Variants in CEP97 observed in about 807,000 individuals in gnomAD.
The protein encoded by CEP97 is centrosomal protein of 97 kDa.
A neutral mutation model predicts 73.1 loss-of-function variants in CEP97; 43 were observed. The ratio of observed to expected loss-of-function variants is 0.59; its 90% confidence interval spans 0.46 to 0.76. The LOEUF is 0.76. Ranked by LOEUF, CEP97 falls within the 30% of genes least tolerant of loss-of-function variation. CEP97 has a pLI of 0.00. For synonymous variants in CEP97, 337 were observed against 370.0 expected (o/e 0.91, Z 1.02); for missense variants, 939 against 1,014.0 (o/e 0.93, Z 1.00).
At chr3:101,743,792 C>G (rs1040255185) in intron 6 of CEP97, among the ~76,000 whole-genome samples, 4 of 152,050 alleles carry the variant, frequency 2.6e-5, no homozygotes, top group African/African-American at 9.7e-5. Context: ...TCACTGAGGT[C>G]GGGAGTTTGA....
At chr3:101,761,141 A>G (rs1195214908) in intron 9 of CEP97, among the ~76,000 whole-genome samples, 2 of 152,272 alleles carry the variant, frequency 1.3e-5, no homozygotes, top group East Asian at 3.9e-4. Context: ...TGCTGGGATT[A>G]CAGGTGTGAG....
Position 101,764,847 on chromosome 3 carries a change from G to A in CEP97, c.1894G>A (p.Val632Ile), listed in dbSNP as rs1939266840. ...TACAACTGTATTCTCTGGTTTATAG[G>A]TAAGGTCTCTACAGGTTTGGCAACA... ...EEAFRFLWNQ[V>I]RSLQVWQQTV... The change falls in exon 11 of 11, where the codon GTA (valine) becomes ATA (isoleucine). Residue 632 changes from valine (V) to isoleucine (I), a missense_variant and splice_region_variant. By Grantham distance (29) the Val-to-Ile change is conservative (BLOSUM62 3). Coordinates refer to ENST00000341893, the MANE Select transcript of CEP97 (RefSeq NM_024548.4). 6.3e-7 allele frequency: 1 copy of A among 1,590,878 alleles called. No individual in the cohort carries two copies. The highest frequency in any genetic ancestry group is 8.5e-7 in the Non-Finnish European group (1 of 1,172,812).
intron 6 of CEP97, among the ~76,000 whole-genome samples, chr3:101,742,161 G>A (rs1938480273): frequency 6.6e-6 from 1 of 152,122 alleles, no homozygotes. Flanking sequence ...TTCAATTATT[G>A]TGGAAGACAG....
rs1386337467 is a variant in CEP97, at chr3:101,732,550, G to A, written c.624G>A (p.Val208=). 2 of 1,613,952 alleles carry A rather than the reference G, an allele frequency of 1.2e-6. No homozygotes were observed. Among genetic ancestry groups the A allele is most frequent in the African/African-American group, 1.3e-5 (1 of 75,046 alleles). The change falls in exon 6 of 11, where the codon GTG becomes GTA. Residue 208 remains valine (V), a synonymous_variant. Transcript: ENST00000341893. The stretch of plus-strand genomic sequence containing the variant: ...TGTCGATTATGAACAATCCTTGTGT[G>A]ATGGCAACACCATCCATCCCAGGAT... ...EQLSIMNNPC[V]MATPSIPGFD... is the part of the protein sequence containing the mutation.
intron 1 of CEP97, among the ~76,000 whole-genome samples, 168 bp downstream of exon 1, chr3:101,724,887 C>T (rs1448067736): frequency 6.6e-6 from 1 of 152,250 alleles, no homozygotes; most frequent in Non-Finnish European, 1.5e-5. Flanking sequence ...AGTTCACCTG[C>T]CGTTCCCAGC....
intron 6 of CEP97, among the ~76,000 whole-genome samples, chr3:101,742,675 G>A (rs758890767): frequency 3.9e-4 from 59 of 151,122 alleles, no homozygotes; most frequent in Non-Finnish European, 6.5e-4. Context: ...CATGGCATGC[G>A]TATACCTATG....
chr3:101,762,639 C>A, intron 10 of CEP97, 79 bp downstream of exon 10: 1 of 1,120,530 alleles, frequency 8.9e-7, no homozygotes, highest in Non-Finnish European at 1.3e-6. Context: ...ATAGAGTACT[C>A]AGGTGTATTA....
intron 6 of CEP97, among the ~76,000 whole-genome samples, chr3:101,751,008 G>T (rs1576691984): frequency 6.6e-6 from 1 of 152,190 alleles, no homozygotes; most frequent in East Asian, 1.9e-4. Context: ...TGATGTTAGG[G>T]TGTCAATTTT....
In CEP97 at chr3:101,764,971, A is replaced by C; in HGVS notation, c.2018A>C (p.Glu673Ala). Residue 673 changes from glutamate (E) to alanine (A), a missense_variant, in exon 11 of 11, where the codon GAG (glutamate) becomes GCG (alanine). Transcript: ENST00000341893. Reference protein sequence around the residue: ...SKHPLFTQSQESSCDQNADWF... With the variant: ...SKHPLFTQSQASSCDQNADWF... ...CATCCATTATTTACCCAAAGCCAGG[A>C]GTCCTCTTGTGATCAAAATGCTGAT... 1 of 1,614,210 alleles carries C rather than the reference A, an allele frequency of 6.2e-7. No individual in the cohort carries two copies. The highest frequency in any genetic ancestry group is 2.2e-5 in the East Asian group (1 of 44,880).
At chr3:101,726,507 A>C in intron 1 of CEP97, 87 bp from the exon 2 acceptor site, 2 of 947,600 alleles carry the variant, frequency 2.1e-6, no homozygotes, top group Non-Finnish European at 3.0e-6. Context: ...GAAATGGTAT[A>C]GAGATTTTAT....
chr3:101,754,471 A>G (rs1435037194), intron 6 of CEP97, among the ~76,000 whole-genome samples: 1 of 152,146 alleles, frequency 6.6e-6, no homozygotes, highest in South Asian at 2.1e-4. Flanking sequence ...TGGTTGATAC[A>G]TTTCTTAAGT....
chr3:101,733,438 T>A (rs1938175670), intron 6 of CEP97, among the ~76,000 whole-genome samples: 1 of 152,216 alleles, frequency 6.6e-6, no homozygotes, highest in South Asian at 2.1e-4. Context: ...AAATACTCAT[T>A]ATAATGATAA....
chr3:101,751,055 T>C (rs1397666345), intron 6 of CEP97, among the ~76,000 whole-genome samples: 1 of 152,250 alleles, frequency 6.6e-6, no homozygotes, highest in Non-Finnish European at 1.5e-5. Context: ...CATTTAGTGC[T>C]ATAAATTTCC....
At chr3:101,725,880 T>TG (rs940092112) in intron 1 of CEP97, among the ~76,000 whole-genome samples, 5 of 151,926 alleles carry the variant, frequency 3.3e-5, no homozygotes, top group East Asian at 1.9e-4. Context: ...TTTTTTTGTT[T>TG]TTTTTTTTAC....
Position 101,728,745 on chromosome 3 carries a change from G to A in CEP97, c.346-91G>A, listed in dbSNP as rs185598647. On this transcript the variant is annotated intron_variant, in intron 3 of 10. Coordinates refer to ENST00000341893, the MANE Select transcript of CEP97 (RefSeq NM_024548.4). ...CTCTGCTTCTAATAATAAGAGGAGG[G>A]AAGACACTCTTTCAGCTGCAAAGAA... is the stretch of plus-strand genomic sequence containing the variant. 1.2e-3 allele frequency: 938 copies of A among 801,894 alleles called. 4 individuals carry two copies. Among genetic ancestry groups the A allele is most frequent in the Non-Finnish European group, 1.6e-3 (754 of 463,378 alleles). 49.7% of individuals were successfully genotyped at this position (801,894 alleles called of 1,614,324 possible). A position where few individuals can be genotyped will look rare whatever the true frequency, so the allele number is the denominator to read the frequency against.
chr3:101,765,540 G>C lies in CEP97; in HGVS notation c.2587G>C (p.Val863Leu). ...DSTFQLLHVG[V>L]TV is the part of the protein sequence containing the mutation. ...TACATTTCAGCTATTGCATGTTGGT[G>C]TTACTGTGTAGCATGTCTTTTGGGA... Residue 863 changes from valine to leucine, a missense_variant, in exon 11 of 11, where the codon GTT becomes CTT. Val to Leu is a conservative substitution (Grantham distance 32). Coordinates refer to ENST00000341893, the MANE Select transcript of CEP97 (RefSeq NM_024548.4). The C allele has an allele frequency of 1.2e-6, 2 of 1,608,732 alleles. No individual in the cohort carries two copies. Among genetic ancestry groups the C allele is most frequent in the Non-Finnish European group, 8.5e-7 (1 of 1,176,102 alleles).
intron 4 of CEP97, among the ~76,000 whole-genome samples, chr3:101,730,518 C>A (rs559563876): frequency 3.2e-4 from 49 of 151,246 alleles, no homozygotes; most frequent in Non-Finnish European, 6.8e-4. Flanking sequence ...CCCGCCTCGG[C>A]CTCCCAAAGT....
Position 101,757,703 on chromosome 3 carries a change from A to C in CEP97, c.1097A>C (p.Asn366Thr). 1 of 1,614,240 alleles carries C rather than the reference A, an allele frequency of 6.2e-7. No homozygotes were observed. Residue 366 changes from asparagine (N) to threonine (T), a missense_variant, in exon 9 of 11, where the codon AAT becomes ACT. By Grantham distance (65) the Asn-to-Thr change is moderately conservative. Transcript: ENST00000341893. ...GATGATCAGTTATTTGCGGTTAAGA[A>C]TAATTTTCCAGCCTCTGTACACACT... ...SNDDQLFAVK[N>T]NFPASVHTTR...
At position 101,728,863 on chromosome 3, in the gene CEP97, G is replaced by A; in HGVS notation, c.373G>A (p.Ala125Thr). The stretch of plus-strand genomic sequence containing the variant: ...CATGGAACAGATCAATAGCTGCACA[G>A]CTCTACAGCATCTCGATTTATCAGA... ...KAMEQINSCTALQHLDLSDNN... is the reference protein window; with the variant it reads ...KAMEQINSCTTLQHLDLSDNN... Residue 125 changes from alanine (A) to threonine (T), a missense_variant, in exon 4 of 11, where the codon GCT (alanine) becomes ACT (threonine). Physicochemically the swap from Ala to Thr is moderately conservative, Grantham distance 58. Coordinates refer to ENST00000341893, the MANE Select transcript of CEP97 (RefSeq NM_024548.4). 1.2e-6 allele frequency: 2 copies of A among 1,608,518 alleles called. No homozygotes were observed. Among genetic ancestry groups the A allele is most frequent in the Non-Finnish European group, 1.7e-6 (2 of 1,174,890 alleles).
Sources: allele counts gnomAD v4.1 joint callset (sites outside exome capture counted in the v4.1 genomes callset), GRCh38; gene constraint gnomAD v4.1.1; transcripts MANE v1.5; gene names NCBI Gene and HGNC (gene_info 2026-07-23, HGNC 2026-07-21).